ZNF704: variants seen among roughly 807,000 people sequenced by gnomAD.
The protein encoded by ZNF704 is zinc finger protein 704, also known as glucocorticoid induced gene 1.
In ZNF704, 10 loss-of-function variants were observed where a neutral mutation model predicts 44.7. The observed-to-expected ratio is 0.22, with a 90% CI of 0.14 to 0.38. The LOEUF is 0.38. Ranked by LOEUF, ZNF704 falls within the 10% of genes least tolerant of loss-of-function variation. The pLI, the probability that ZNF704 is intolerant of heterozygous loss-of-function variation, is 1.00. For synonymous variants in ZNF704, 211 were observed against 207.6 expected, an observed-to-expected ratio of 1.02 and a Z score of -0.14; for missense variants, 390 against 545.5, an observed-to-expected ratio of 0.71 and a Z score of 2.84.
chr8:80,882,412 C>T, the ZNF704 span, among the ~76,000 whole-genome samples: 1 of 152,140 alleles, frequency 6.6e-6, no homozygotes, highest in East Asian at 1.9e-4. Context: ...TTTACTTCCC[C>T]TTCTGCACAT....
chr8:80,662,751 C>T (rs1675203200), intron 6 of ZNF704, among the ~76,000 whole-genome samples: 1 of 152,252 alleles, frequency 6.6e-6, no homozygotes, highest in Admixed American at 6.5e-5. Flanking sequence ...ATATTACATC[C>T]TCGGACTCAA....
intron 2 of ZNF704, among the ~76,000 whole-genome samples, chr8:80,816,939 C>T (rs968001498): frequency 6.6e-6 from 1 of 152,126 alleles, no homozygotes; most frequent in African/African-American, 2.4e-5. Flanking sequence ...GCAGACTCTC[C>T]TACAGTAAAG....
chr8:80,709,392 A>G (rs13281916), intron 2 of ZNF704, among the ~76,000 whole-genome samples: 4,633 of 144,976 alleles, frequency 0.032, 258 homozygotes, highest in African/African-American at 0.11. Flanking sequence ...TGCAATAAGC[A>G]GAGATGGCAC....
intron 2 of ZNF704, among the ~76,000 whole-genome samples, chr8:80,742,083 T>A (rs1356949669): frequency 1.3e-5 from 2 of 151,996 alleles, no homozygotes; most frequent in Non-Finnish European, 2.9e-5. Flanking sequence ...CATTAGGAGA[T>A]TATTATTGGC....
intron 2 of ZNF704, among the ~76,000 whole-genome samples, chr8:80,777,920 A>AT (rs1441495033): frequency 1.3e-4 from 20 of 151,926 alleles, no homozygotes; most frequent in Non-Finnish European, 2.6e-4. Context: ...CACAAATATC[A>AT]TAACACCTCA....
chr8:80,860,438 G>A (rs995546859), intron 1 of ZNF704, among the ~76,000 whole-genome samples: 1 of 152,148 alleles, frequency 6.6e-6, no homozygotes, highest in Non-Finnish European at 1.5e-5. Flanking sequence ...ACAAGTTGCT[G>A]GTTTAGTGAC....
At chr8:80,822,560 C>T (rs913059455) in intron 1 of ZNF704, among the ~76,000 whole-genome samples, 1 of 152,032 alleles carries the variant, frequency 6.6e-6, no homozygotes, top group Admixed American at 6.6e-5. Flanking sequence ...GGGTATATAC[C>T]CAGTAATGGG....
At chr8:80,854,165 A>C (rs888597655) in intron 1 of ZNF704, among the ~76,000 whole-genome samples, 2 of 152,242 alleles carry the variant, frequency 1.3e-5, no homozygotes, top group African/African-American at 4.8e-5. Flanking sequence ...AACAGCGTTA[A>C]GGCACTGTAA....
chr8:80,765,119 C>G (rs988578214), intron 2 of ZNF704, among the ~76,000 whole-genome samples: 1 of 152,146 alleles, frequency 6.6e-6, no homozygotes, highest in Non-Finnish European at 1.5e-5. Flanking sequence ...AGTTTTAAGT[C>G]AAAATCCTCA....
chr8:80,734,775 T>C (rs912314998), intron 2 of ZNF704, among the ~76,000 whole-genome samples: 2 of 152,212 alleles, frequency 1.3e-5, no homozygotes, highest in Admixed American at 6.5e-5. Context: ...ATGTTCAAAG[T>C]AGGTTATTTG....
chr8:80,643,166 G>T, intron 7 of ZNF704, 37 bp from the exon 8 acceptor site: 1 of 1,514,828 alleles, frequency 6.6e-7, no homozygotes, highest in Non-Finnish European at 9.0e-7. Flanking sequence ...GATGGGGCAG[G>T]TTCTCCACCC....
chr8:80,863,020 T>C (rs1398086373), intron 1 of ZNF704, among the ~76,000 whole-genome samples: 1 of 151,990 alleles, frequency 6.6e-6, no homozygotes, highest in African/African-American at 2.4e-5. Context: ...AGTGTTTACA[T>C]AGGCTCAGTT....
At chr8:80,818,672 G>A (rs1156708271) in intron 2 of ZNF704, among the ~76,000 whole-genome samples, 1 of 152,104 alleles carries the variant, frequency 6.6e-6, no homozygotes, top group East Asian at 1.9e-4. Context: ...GAACCCACAG[G>A]TGCAGAACCC....
intron 2 of ZNF704, among the ~76,000 whole-genome samples, chr8:80,786,385 G>A (rs1322572340): frequency 2.6e-5 from 4 of 152,134 alleles, no homozygotes; most frequent in African/African-American, 4.8e-5. Flanking sequence ...GTCTGAGGCC[G>A]ACTGATTTTT....
At chr8:80,714,270 A>G (rs541302014) in intron 2 of ZNF704, among the ~76,000 whole-genome samples, 3 of 152,350 alleles carry the variant, frequency 2.0e-5, no homozygotes, top group Non-Finnish European at 4.4e-5. Context: ...CTGTATCCCT[A>G]GAGCTGAACA....
At position 80,670,583 on chromosome 8, in the gene ZNF704, G is replaced by A. The variant is rs1471954451; in HGVS notation, c.579C>T (p.Phe193=). The A allele has an allele frequency of 6.2e-7, 1 of 1,613,496 alleles. No individual in the cohort carries two copies. Among genetic ancestry groups the A allele is most frequent in the Non-Finnish European group, 8.5e-7 (1 of 1,179,422 alleles). ...RKRKNSMKVM[F]KCLWKNCGKV... ...TCCCACAGTTTTTCCAGAGGCATTT[G>A]AACATCACCTTCATGGAATTCTGTA... is the stretch of plus-strand genomic sequence containing the variant. The change falls in exon 5 of 9, where the codon TTC becomes TTT. Residue 193 remains phenylalanine, a synonymous_variant. Transcript: ENST00000327835.
chr8:80,803,937 T>C (rs1390552032), intron 2 of ZNF704, among the ~76,000 whole-genome samples: 1 of 152,170 alleles, frequency 6.6e-6, no homozygotes, highest in African/African-American at 2.4e-5. Flanking sequence ...TCTATCCATC[T>C]GACAAAGGTC....
intron 1 of ZNF704, among the ~76,000 whole-genome samples, chr8:80,832,289 G>A (rs1412494404): frequency 1.3e-5 from 2 of 151,834 alleles, no homozygotes; most frequent in Non-Finnish European, 2.9e-5. Context: ...TTGTAAATTC[G>A]ATGCAACTTC....
intron 2 of ZNF704, among the ~76,000 whole-genome samples, chr8:80,735,894 A>G (rs776212359): frequency 4.1e-4 from 62 of 152,328 alleles, no homozygotes; most frequent in Admixed American, 5.9e-4. Context: ...ATATGCAGCA[A>G]ATGTTGCTTT....
Sources: gnomAD v4.1 joint callset for allele counts (sites outside exome capture counted in the v4.1 genomes callset) on GRCh38, gnomAD v4.1.1 for gene constraint, MANE v1.5 for transcripts, NCBI Gene and HGNC (gene_info 2026-07-23, HGNC 2026-07-21) for gene names.